The following CEP85L variants were observed in gnomAD, a reference collection of about 807,000 sequenced individuals.
CEP85L encodes centrosomal protein of 85 kDa-like.
A neutral mutation model predicts 100.3 loss-of-function variants in CEP85L; 60 were observed. The observed-to-expected ratio is 0.60, with a 90% CI of 0.49 to 0.74. The LOEUF (loss-of-function observed/expected upper bound fraction) is 0.74, where lower values mean the gene tolerates loss of function less well. Among genes scored for constraint, CEP85L ranks in the 30% least tolerant of loss-of-function variants. CEP85L has a pLI of 0.00. For synonymous variants in CEP85L, 319 were observed against 322.7 expected (o/e 0.99, Z 0.12); for missense variants, 973 against 936.2 (o/e 1.04, Z -0.51).
chr6:118,481,277 T>C (rs1390508853), intron 8 of CEP85L, among the ~76,000 whole-genome samples: 1 of 151,984 alleles, frequency 6.6e-6, no homozygotes, highest in Non-Finnish European at 1.5e-5. Flanking sequence ...AAAGGGTTTG[T>C]ATTAATATTT....
chr6:118,498,091 A>T (rs1457588974), intron 5 of CEP85L, among the ~76,000 whole-genome samples: 41 of 152,228 alleles, frequency 2.7e-4, no homozygotes, highest in Non-Finnish European at 1.0e-4. Flanking sequence ...TTGACAGCAG[A>T]CTTGGATTAG....
At chr6:118,617,543 G>A (rs1299354794) in intron 2 of CEP85L, among the ~76,000 whole-genome samples, 1 of 152,156 alleles carries the variant, frequency 6.6e-6, no homozygotes, top group Non-Finnish European at 1.5e-5. Flanking sequence ...TACTGCCTTT[G>A]TTTCTCGCTC....
intron 4 of CEP85L, among the ~76,000 whole-genome samples, chr6:118,515,971 C>A (rs1471655504): frequency 6.6e-6 from 1 of 152,142 alleles, no homozygotes; most frequent in African/African-American, 2.4e-5. Context: ...CATTGTTCAA[C>A]TCCCACTTAT....
At chr6:118,640,453 G>C (rs1583211012) in intron 1 of CEP85L, among the ~76,000 whole-genome samples, 1 of 152,064 alleles carries the variant, frequency 6.6e-6, no homozygotes. Context: ...TCATATGTAA[G>C]AGAAGAAAAA....
At chr6:118,685,103 C>T (rs1200201422) in intron 1 of CEP85L, among the ~76,000 whole-genome samples, 1 of 152,172 alleles carries the variant, frequency 6.6e-6, no homozygotes, top group Admixed American at 6.5e-5. Context: ...AATGAAGAAC[C>T]TGTCTTCTGT....
chr6:118,490,047 C>G (rs1415737001), intron 6 of CEP85L, among the ~76,000 whole-genome samples: 1 of 151,856 alleles, frequency 6.6e-6, no homozygotes, highest in Non-Finnish European at 1.5e-5. Flanking sequence ...AAAGAGAAAT[C>G]CCATCATTTG....
rs114742762 is a variant in CEP85L at position 118,496,649 on chromosome 6, G to A, written c.1258-4784C>T. Among the ~76,000 whole-genome samples the A allele has an allele frequency of 9.9e-3, 1,511 of 152,218 alleles. 36 individuals are homozygous for A. The highest frequency in any genetic ancestry group is 0.034 in the African/African-American group (1,397 of 41,540). ...ATTACAGGCGTGAGCCACTGTGCCC[G>A]GCCAGAAGTGATTGCTTTCTAAAGG... On this transcript the variant is annotated intron_variant, in intron 5 of 12. Coordinates refer to ENST00000368491, the MANE Select transcript of CEP85L (RefSeq NM_001042475.3).
chr6:118,698,273 G>A (rs1442718025), intron 1 of CEP85L, among the ~76,000 whole-genome samples: 1 of 152,192 alleles, frequency 6.6e-6, no homozygotes, highest in Non-Finnish European at 1.5e-5. Flanking sequence ...TGGATCCCAA[G>A]AAACATCATT....
chr6:118,539,707 T>A (rs1321279589), intron 3 of CEP85L, among the ~76,000 whole-genome samples: 6 of 152,096 alleles, frequency 3.9e-5, no homozygotes, highest in African/African-American at 7.2e-5. Context: ...CACCTAGGTA[T>A]TAAGCCCCGC....
chr6:118,612,627 C>CT (rs1049147648), intron 2 of CEP85L, among the ~76,000 whole-genome samples: 2 of 130,034 alleles, frequency 1.5e-5, no homozygotes, highest in African/African-American at 5.8e-5. Context: ...CACCACTGCA[C>CT]TCTAGCCTGG....
At chr6:118,604,927 TAA>T (rs753168583) in intron 2 of CEP85L, among the ~76,000 whole-genome samples, 48 of 152,074 alleles carry the variant, frequency 3.2e-4, no homozygotes, top group Non-Finnish European at 5.3e-4. Flanking sequence ...AAAAAGGCAT[TAA>T]AGTTTCCATT....
At chr6:118,618,783 C>T in intron 2 of CEP85L, among the ~76,000 whole-genome samples, 1 of 152,142 alleles carries the variant, frequency 6.6e-6, no homozygotes, top group East Asian at 1.9e-4. Context: ...TACTAAGCCT[C>T]CTGTCACTAA....
chr6:118,480,889 C>T lies in CEP85L; in HGVS notation c.1746-376G>A, dbSNP rs574750557. On this transcript the variant is annotated intron_variant, in intron 8 of 12. Transcript: ENST00000368491. ...TGATTAAGATGATCATTGCAGGGAACCTAAGAATATGGATCCACATCTTTT... is the reference window on the plus strand; with the variant it reads ...TGATTAAGATGATCATTGCAGGGAATCTAAGAATATGGATCCACATCTTTT... Among the ~76,000 whole-genome samples the T allele has an allele frequency of 2.0e-5, 3 of 152,192 alleles. No individual in the cohort carries two copies. The South Asian group carries it at 6.2e-4, about 32-fold the overall frequency.
chr6:118,600,636 A>G (rs1383260824), intron 2 of CEP85L, among the ~76,000 whole-genome samples: 1 of 151,460 alleles, frequency 6.6e-6, no homozygotes, highest in East Asian at 1.9e-4. Flanking sequence ...GGTTTTTTTA[A>G]TGATATAAAT....
In CEP85L at chr6:118,638,806, C is replaced by G. The variant is rs1774682658; in HGVS notation, c.74-6195G>C. Reference sequence around the variant, plus strand: ...AACATTAAAAATTCTGAATATTTCTCAGACAGGAAGATTAGCATTAAATAA... The same window carrying G: ...AACATTAAAAATTCTGAATATTTCTGAGACAGGAAGATTAGCATTAAATAA... On this transcript the variant is annotated intron_variant, in intron 1 of 12. Coordinates refer to ENST00000368491, the MANE Select transcript of CEP85L (RefSeq NM_001042475.3). Among the ~76,000 whole-genome samples, 5 of 151,946 alleles carry G rather than the reference C, an allele frequency of 3.3e-5. No individual in the cohort carries two copies. The South Asian group carries it at 6.2e-4, about 19-fold the overall frequency.
At chr6:118,701,699 A>G (rs141770623) in intron 1 of CEP85L, among the ~76,000 whole-genome samples, 1 of 152,280 alleles carries the variant, frequency 6.6e-6, no homozygotes, top group East Asian at 1.9e-4. Context: ...GATGGGATCA[A>G]TTATACCCCA....
chr6:118,585,123 T>C (rs2115093813), intron 2 of CEP85L, among the ~76,000 whole-genome samples: 1 of 152,340 alleles, frequency 6.6e-6, no homozygotes, highest in Admixed American at 6.5e-5. Context: ...ATGACATCAC[T>C]GAAAGTGTGT....
chr6:118,487,216 GAT>G lies in CEP85L; in HGVS notation c.1438-3360_1438-3359del, dbSNP rs924099510. Among the ~76,000 whole-genome samples, 21 of 152,272 alleles carry G rather than the reference GAT, an allele frequency of 1.4e-4. 1 individual carries two copies. Among genetic ancestry groups the G allele is most frequent in the African/African-American group, 5.1e-4 (21 of 41,552 alleles). On this transcript the variant is annotated intron_variant, in intron 6 of 12. Transcript: ENST00000368491. The stretch of plus-strand genomic sequence containing the variant: ...AAAGGCCACTCTGTGTAAAGATCCT[GAT>G]ACCAGAAACAAAGCCTGAGCTGTCT...
intron 3 of CEP85L, among the ~76,000 whole-genome samples, chr6:118,554,461 TA>T: frequency 6.6e-6 from 1 of 152,326 alleles, no homozygotes; most frequent in East Asian, 1.9e-4. Context: ...GCATTATTTT[TA>T]ATTAACAATT....
Sources: allele counts gnomAD v4.1 joint callset (sites outside exome capture counted in the v4.1 genomes callset), GRCh38; gene constraint gnomAD v4.1.1; transcripts MANE v1.5; gene names NCBI Gene and HGNC (gene_info 2026-07-23, HGNC 2026-07-21).